PSD3: variants seen among roughly 807,000 people sequenced by gnomAD.
PSD3 encodes the protein pleckstrin and Sec7 domain containing 3, also known as PH and SEC7 domain-containing protein 3.
A neutral mutation model predicts 105.5 loss-of-function variants in PSD3; 49 were observed. The ratio of observed to expected loss-of-function variants is 0.46; its 90% CI spans 0.37 to 0.59. The LOEUF (loss-of-function observed/expected upper bound fraction) is 0.59, where lower values mean the gene tolerates loss of function less well. Among genes scored for constraint, PSD3 ranks in the 20% least tolerant of loss-of-function variants. The pLI is 0.00. For missense variants in PSD3, 1,561 were observed against 1,263.8 expected (o/e 1.24, Z -3.57); for synonymous variants, 557 against 457.8 (o/e 1.22, Z -2.77).
intron 4 of PSD3, among the ~76,000 whole-genome samples, chr8:18,820,846 T>A (rs1369202267): frequency 2.1e-5 from 3 of 140,012 alleles, no homozygotes; most frequent in African/African-American, 8.0e-5. Flanking sequence ...CTCAGCCTCC[T>A]GGGCACAGGC....
At chr8:18,679,716 G>T (rs572443277) in intron 9 of PSD3, among the ~76,000 whole-genome samples, 1 of 152,150 alleles carries the variant, frequency 6.6e-6, no homozygotes, top group Non-Finnish European at 1.5e-5. Context: ...AGGGTAGCCC[G>T]CCAGGATGCG....
At chr8:18,626,851 T>C (rs1034402749) in intron 11 of PSD3, among the ~76,000 whole-genome samples, 2 of 152,246 alleles carry the variant, frequency 1.3e-5, no homozygotes, top group Admixed American at 6.5e-5. Context: ...AAAGCTTTTC[T>C]ACATCTCCAA....
At chr8:19,018,395 G>A (rs546178058), upstream of PSD3, among the ~76,000 whole-genome samples, 7 of 151,848 alleles carry the variant, frequency 4.6e-5, no homozygotes, top group Admixed American at 2.0e-4. Flanking sequence ...ATCTTCCTAA[G>A]GTGATGCAGG....
At chr8:18,821,946 A>T (rs1205314677) in intron 4 of PSD3, among the ~76,000 whole-genome samples, 1 of 152,036 alleles carries the variant, frequency 6.6e-6, no homozygotes, top group Non-Finnish European at 1.5e-5. Context: ...AAAAAATAAG[A>T]CTGGCAAGTA....
At position 18,530,370 on chromosome 8, in the gene PSD3, G is replaced by A. The variant is rs1288447614; in HGVS notation, c.*5373C>T. ...CCTGTGACACTAGATGCTAATTTCTGCAACTGCAAACCTAGGATACAGTAC... is the reference window on the plus strand; with the variant it reads ...CCTGTGACACTAGATGCTAATTTCTACAACTGCAAACCTAGGATACAGTAC... On this transcript the variant is annotated 3_prime_UTR_variant, in exon 16 of 16. Transcript: ENST00000327040. 1.3e-5 allele frequency: 2 copies of A among 152,338 alleles called. No homozygotes were observed. The highest frequency in any genetic ancestry group is 2.9e-5 in the Non-Finnish European group (2 of 68,034). The allele number at this position is 152,338 out of a possible 1,614,324, so 9.4% of individuals were successfully genotyped here.
chr8:18,867,843 C>G lies in PSD3; in HGVS notation c.1465G>C (p.Gly489Arg). The G allele has an allele frequency of 6.2e-7, 1 of 1,614,178 alleles. No homozygotes were observed. Among genetic ancestry groups the G allele is most frequent in the South Asian group, 1.1e-5 (1 of 91,084 alleles). Residue 489 changes from glycine to arginine, a missense_variant, in exon 4 of 16, where the codon GGT (glycine) becomes CGT (arginine). Gly to Arg is a moderately radical substitution (Grantham distance 125, BLOSUM62 -2). Transcript: ENST00000327040. ...TPMIQQRIKE[G>R]GQFLERTSGG... ...GATGTCCTCTCCAAGAACTGACCAC[C>G]TTCTTTAATGCGCTGTTGTATCATT...
At chr8:18,949,294 C>A (rs1371383474) in intron 1 of PSD3, among the ~76,000 whole-genome samples, 13 of 115,396 alleles carry the variant, frequency 1.1e-4, no homozygotes, top group Admixed American at 9.9e-5. Flanking sequence ...GTTTTCTTCT[C>A]TTCCAAGGAG....
At chr8:18,960,734 G>T (rs1217175498) in intron 1 of PSD3, among the ~76,000 whole-genome samples, 1 of 152,138 alleles carries the variant, frequency 6.6e-6, no homozygotes, top group African/African-American at 2.4e-5. Flanking sequence ...GAGGCTTCTA[G>T]AAGGAGGAAA....
chr8:19,005,457 A>T (rs1826628281), intron 1 of PSD3, among the ~76,000 whole-genome samples: 1 of 151,786 alleles, frequency 6.6e-6, no homozygotes, highest in African/African-American at 2.4e-5. Flanking sequence ...AGAGGTGGCA[A>T]CTCATGGGTC....
chr8:18,790,221 T>C (rs1293936406), intron 8 of PSD3, among the ~76,000 whole-genome samples: 1 of 152,134 alleles, frequency 6.6e-6, no homozygotes, highest in Non-Finnish European at 1.5e-5. Flanking sequence ...GTCTAGACCA[T>C]TGGCAATATG....
At chr8:18,779,075 C>G (rs1808361464) in intron 8 of PSD3, among the ~76,000 whole-genome samples, 1 of 152,082 alleles carries the variant, frequency 6.6e-6, no homozygotes, top group Non-Finnish European at 1.5e-5. Context: ...GTAAAAATCT[C>G]CTGGGCTCAA....
intron 14 of PSD3, 34 bp downstream of exon 14, chr8:18,572,494 T>C: frequency 6.3e-7 from 1 of 1,596,552 alleles, no homozygotes; most frequent in Non-Finnish European, 8.5e-7. Context: ...CAAAGTACTT[T>C]TTCCCAAGGT....
chr8:18,826,114 G>A lies in PSD3; in HGVS notation c.1635-21216C>T, dbSNP rs149010739. Among the ~76,000 whole-genome samples the A allele has an allele frequency of 6.7e-4, 102 of 152,260 alleles. No individual in the cohort carries two copies. In the South Asian group the frequency reaches 7.7e-3, roughly 11 times the overall value. ...GTCTGAATTCAATCTCTTCCTGACT[G>A]CTAAACTGGGACATTTCTCTTTTCT... On this transcript the variant is annotated intron_variant, in intron 4 of 15. Transcript: ENST00000327040.
At chr8:18,613,060 ACG>A (rs1417366926) in intron 11 of PSD3, among the ~76,000 whole-genome samples, 3 of 152,154 alleles carry the variant, frequency 2.0e-5, no homozygotes, top group African/African-American at 7.2e-5. Flanking sequence ...GTTACCGGAA[ACG>A]TGTGTGGGAA....
At chr8:18,565,805 G>A (rs1232586891) in intron 14 of PSD3, among the ~76,000 whole-genome samples, 1 of 152,118 alleles carries the variant, frequency 6.6e-6, no homozygotes, top group Non-Finnish European at 1.5e-5. Flanking sequence ...CAATAGGAGT[G>A]GGTTGGATTT....
At chr8:18,943,146 A>T (rs1424947886) in intron 1 of PSD3, among the ~76,000 whole-genome samples, 1 of 152,206 alleles carries the variant, frequency 6.6e-6, no homozygotes, top group East Asian at 1.9e-4. Flanking sequence ...GGCTGCAAAG[A>T]TCAACAAAGG....
chr8:18,912,717 C>G (rs572131661), intron 2 of PSD3, among the ~76,000 whole-genome samples: 10 of 152,284 alleles, frequency 6.6e-5, no homozygotes, highest in African/African-American at 2.4e-4. Flanking sequence ...CTTTGGCAAC[C>G]TGATGTTGAA....
intron 15 of PSD3, among the ~76,000 whole-genome samples, chr8:18,544,261 T>C (rs1411076315): frequency 6.6e-6 from 1 of 151,144 alleles, no homozygotes; most frequent in East Asian, 2.0e-4. Context: ...TCATCTCCCT[T>C]CTGCGTACTA....
chr8:18,999,645 A>G (rs1021746706), intron 1 of PSD3, among the ~76,000 whole-genome samples: 1 of 151,964 alleles, frequency 6.6e-6, no homozygotes, highest in African/African-American at 2.4e-5. Flanking sequence ...TTTTTATTTT[A>G]AAATTATTTT....
Sources: gnomAD v4.1 joint callset for allele counts (sites outside exome capture counted in the v4.1 genomes callset) on GRCh38, gnomAD v4.1.1 for gene constraint, MANE v1.5 for transcripts, NCBI Gene and HGNC (gene_info 2026-07-23, HGNC 2026-07-21) for gene names.